The following ZNF33A variants were observed in gnomAD, a reference collection of about 807,000 sequenced individuals.
ZNF33A encodes the protein zinc finger protein 33A.
A neutral mutation model predicts 15.9 loss-of-function variants in ZNF33A; 9 were observed. The observed-to-expected ratio is 0.57, with a 90% CI of 0.34 to 0.99. The LOEUF (loss-of-function observed/expected upper bound fraction) is 0.99, where lower values mean the gene tolerates loss of function less well. Ranked by LOEUF, ZNF33A falls within the 50% of genes least tolerant of loss-of-function variation. ZNF33A has a pLI of 0.02. For synonymous variants in ZNF33A, 294 were observed against 324.2 expected (o/e 0.91, Z 1.00); for missense variants, 843 against 941.6 (o/e 0.90, Z 1.37).
intron 4 of ZNF33A, among the ~76,000 whole-genome samples, chr10:38,019,746 A>G (rs1430977398): frequency 6.6e-6 from 1 of 152,232 alleles, no homozygotes; most frequent in African/African-American, 2.4e-5. Flanking sequence ...TTCTCTAAAT[A>G]GAATGGAAAT....
chr10:38,049,064 T>C (rs1205630675), intron 4 of ZNF33A, among the ~76,000 whole-genome samples: 1 of 152,150 alleles, frequency 6.6e-6, no homozygotes, highest in African/African-American at 2.4e-5. Flanking sequence ...TGAAGTCATA[T>C]AGAGTATTTT....
At chr10:38,049,764 A>G (rs920484615) in intron 4 of ZNF33A, among the ~76,000 whole-genome samples, 12 of 152,164 alleles carry the variant, frequency 7.9e-5, no homozygotes, top group African/African-American at 2.7e-4. Context: ...ATGGAGAACA[A>G]TATAATATGT....
intron 1 of ZNF33A, 35 bp downstream of exon 1, chr10:38,010,818 G>A (rs772702149): frequency 1.9e-6 from 3 of 1,596,610 alleles, no homozygotes; most frequent in South Asian, 1.1e-5. Flanking sequence ...GAGAGAGAGG[G>A]AGCCCCGCGC....
chr10:38,027,743 A>G (rs1169578044), intron 4 of ZNF33A, among the ~76,000 whole-genome samples: 2 of 152,198 alleles, frequency 1.3e-5, no homozygotes, highest in South Asian at 2.1e-4. Flanking sequence ...TGGTACACAC[A>G]TAGTTATACT....
intron 2 of ZNF33A, among the ~76,000 whole-genome samples, chr10:38,016,539 C>T (rs1258076624): frequency 6.6e-6 from 1 of 152,186 alleles, no homozygotes; most frequent in Non-Finnish European, 1.5e-5. Context: ...AACTTTGCTC[C>T]TAATGTTAGT....
rs1322682333 is a variant in ZNF33A, at chr10:38,020,955, A to T, written c.250+3569A>T. On this transcript the variant is annotated intron_variant, in intron 4 of 4. Coordinates refer to ENST00000432900, the MANE Select transcript of ZNF33A (RefSeq NM_006954.2). ...TATGAAGTGAAAACCATGCTCTGTA[A>T]GTGCTCACCTGACTTTTAGTTCCTG... 2.0e-5 allele frequency among the ~76,000 whole-genome samples: 3 copies of T among 152,192 alleles called. No homozygotes were observed. In the East Asian group the frequency reaches 5.8e-4, roughly 29 times the overall value.
chr10:38,037,460 A>G (rs1395572882), intron 4 of ZNF33A, among the ~76,000 whole-genome samples: 1 of 151,750 alleles, frequency 6.6e-6, no homozygotes, highest in Non-Finnish European at 1.5e-5. Flanking sequence ...AGTAGCTGGG[A>G]TTACAGGCAT....
intron 2 of ZNF33A, among the ~76,000 whole-genome samples, chr10:38,013,299 C>T (rs1455742067): frequency 4.0e-5 from 6 of 151,840 alleles, no homozygotes; most frequent in South Asian, 2.1e-4. Flanking sequence ...TTAGTAGAGA[C>T]GGGGTTTTAC....
rs1159092830 is a variant in ZNF33A, at chr10:38,058,217, G to A, written c.*1657G>A. ...CAAAACTGGTTCCTTGAAAAGGTCA[G>A]TAAAATTGATAAACCTCTAGCTAGC... is the stretch of plus-strand genomic sequence containing the variant. On this transcript the variant is annotated 3_prime_UTR_variant, in exon 5 of 5. Coordinates refer to ENST00000432900, the MANE Select transcript of ZNF33A (RefSeq NM_006954.2). 1 of 267,046 alleles carries A rather than the reference G, an allele frequency of 3.7e-6. No individual in the cohort carries two copies. Among genetic ancestry groups the A allele is most frequent in the Admixed American group, 6.5e-5 (1 of 15,396 alleles). The allele number at this position is 267,046 out of a possible 1,614,324, so 16.5% of individuals were successfully genotyped here. A position where few individuals can be genotyped will look rare whatever the true frequency, so the allele number is the denominator to read the frequency against.
downstream of ZNF33A, among the ~76,000 whole-genome samples, chr10:38,066,301 C>T (rs2066709225): frequency 6.6e-6 from 1 of 151,732 alleles, no homozygotes; most frequent in Admixed American, 6.6e-5. Flanking sequence ...TTTATTGAGA[C>T]AGAGTCTCAC....
In ZNF33A at chr10:38,055,991, C is replaced by T. The variant is rs377720539; in HGVS notation, c.1867C>T (p.Gln623Ter). 5 of 1,613,388 alleles carry T rather than the reference C, an allele frequency of 3.1e-6. No individual in the cohort carries two copies. The highest frequency in any genetic ancestry group is 4.2e-6 in the Non-Finnish European group (5 of 1,179,786). Reference protein sequence around the residue: ...ECGKAFYQKSQLTQHQRIHIG... With the variant: ...ECGKAFYQKS ...TGGAAAAGCCTTCTACCAGAAGTCA[C>T]AACTCACTCAGCATCAGAGAATTCA... Residue 623 changes from glutamine to a stop codon, truncating the protein, a stop_gained, in exon 5 of 5, where the codon CAA (glutamine) becomes TAA (stop). Transcript: ENST00000432900. LOFTEE classifies it low-confidence loss of function (END_TRUNC).
At chr10:38,027,549 G>A (rs1447135433) in intron 4 of ZNF33A, among the ~76,000 whole-genome samples, 2 of 151,380 alleles carry the variant, frequency 1.3e-5, no homozygotes, top group African/African-American at 4.9e-5. Flanking sequence ...GGTGGAAACG[G>A]CATGTTGCTC....
At position 38,058,028 on chromosome 10, in the gene ZNF33A, A is replaced by G. The variant is rs930962302; in HGVS notation, c.*1468A>G. ...ACACTATATTACATGATCAGATCATACAAATAATCTAAGATTATACAGTCT... is the reference window on the plus strand; with the variant it reads ...ACACTATATTACATGATCAGATCATGCAAATAATCTAAGATTATACAGTCT... On this transcript the variant is annotated 3_prime_UTR_variant, in exon 5 of 5. Coordinates refer to ENST00000432900, the MANE Select transcript of ZNF33A (RefSeq NM_006954.2). 3.0e-6 allele frequency: 3 copies of G among 985,134 alleles called. No homozygotes were observed. The highest frequency in any genetic ancestry group is 3.6e-6 in the Non-Finnish European group (3 of 829,638). 61.0% of individuals were successfully genotyped at this position (985,134 alleles called of 1,614,324 possible).
chr10:38,039,155 T>C (rs2065582027), intron 4 of ZNF33A, among the ~76,000 whole-genome samples: 1 of 150,360 alleles, frequency 6.7e-6, no homozygotes, highest in Non-Finnish European at 1.5e-5. Flanking sequence ...AAATGTTTGA[T>C]AAAATTCTCC....
At chr10:38,052,548 A>G (rs1056645572) in intron 4 of ZNF33A, among the ~76,000 whole-genome samples, 1 of 152,190 alleles carries the variant, frequency 6.6e-6, no homozygotes, top group African/African-American at 2.4e-5. Flanking sequence ...GATTCAAAAT[A>G]ATATAATTCC....
chr10:38,066,155 GCTTTT>G (rs2066708101), downstream of ZNF33A, among the ~76,000 whole-genome samples: 1 of 152,104 alleles, frequency 6.6e-6, no homozygotes, highest in Non-Finnish European at 1.5e-5. Context: ...CTGACCATAG[GCTTTT>G]CTTCGACACA....
In ZNF33A at chr10:38,055,526, C is replaced by T. The variant is rs149385780; in HGVS notation, c.1402C>T (p.Pro468Ser). The part of the protein sequence containing the change: ...VHQRTHTGEK[P>S]FECLECGKSF... ...CCAGAGAACTCACACAGGTGAGAAA[C>T]CTTTTGAATGTCTTGAGTGTGGGAA... The change falls in exon 5 of 5, where the codon CCT becomes TCT. Residue 468 changes from proline (P) to serine (S), a missense_variant. Coordinates refer to ENST00000432900, the MANE Select transcript of ZNF33A (RefSeq NM_006954.2). The T allele has an allele frequency of 6.2e-7, 1 of 1,614,008 alleles. No individual in the cohort carries two copies.
In ZNF33A at chr10:38,057,105, A is replaced by G. The variant is rs1297007785; in HGVS notation, c.*545A>G. On this transcript the variant is annotated 3_prime_UTR_variant, in exon 5 of 5. Transcript: ENST00000432900. ...TTAGTCAGATTTTACTATGGTTTGC[A>G]TGCACTCTGTGTGTGTGTGTACGTG... The G allele has an allele frequency of 7.9e-5, 56 of 705,752 alleles. 1 individual carries two copies. The highest frequency in any genetic ancestry group is 9.8e-5 in the Non-Finnish European group (56 of 573,968). 43.7% of individuals were successfully genotyped at this position (705,752 alleles called of 1,614,324 possible).
At chr10:38,051,854 G>A (rs189247198) in intron 4 of ZNF33A, among the ~76,000 whole-genome samples, 1,678 of 151,634 alleles carry the variant, frequency 0.011, 36 homozygotes, top group African/African-American at 0.038. Flanking sequence ...GTATTAAAAA[G>A]AAAAAAACAG....
Sources: gnomAD v4.1 joint callset for allele counts (sites outside exome capture counted in the v4.1 genomes callset) on GRCh38, gnomAD v4.1.1 for gene constraint, MANE v1.5 for transcripts, NCBI Gene and HGNC (gene_info 2026-07-23, HGNC 2026-07-21) for gene names.